The following ARHGAP27 variants were observed in gnomAD, a reference collection of about 807,000 sequenced individuals.
The protein encoded by ARHGAP27 is Rho GTPase activating protein 27, also known as rho GTPase-activating protein 27.
A neutral mutation model predicts 102.0 loss-of-function variants in ARHGAP27; 53 were observed. The ratio of observed to expected loss-of-function variants is 0.52; its 90% CI spans 0.42 to 0.65. The LOEUF (loss-of-function observed/expected upper bound fraction) is 0.65. Among genes scored for constraint, ARHGAP27 ranks in the 30% least tolerant of loss-of-function variants. The probability of loss-of-function intolerance (pLI) is 0.00; values close to 1 mark genes in which losing one functional copy is unlikely to be tolerated. For missense variants in ARHGAP27, 1,117 were observed against 1,256.2 expected, an observed-to-expected ratio of 0.89 and a Z score of 1.68; for synonymous variants, 525 against 542.8, an observed-to-expected ratio of 0.97 and a Z score of 0.46.
At position 45,396,066 on chromosome 17, in the gene ARHGAP27, G is replaced by A. The variant is rs779980705; in HGVS notation, c.2303C>T (p.Thr768Ile). 1.2e-6 allele frequency: 2 copies of A among 1,613,994 alleles called. No homozygotes were observed. Among genetic ancestry groups the A allele is most frequent in the Non-Finnish European group, 1.7e-6 (2 of 1,179,922 alleles). ...CCGAAAGAAGAGCTTCAGGGCTCCG[G>A]TGATAACGTGGACGTCCTCCCAGCG... ...DGRWEDVHVI[T>I]GALKLFFREL... Residue 768 changes from threonine to isoleucine, a missense_variant, in exon 18 of 20, where the codon ACC becomes ATC. Physicochemically the swap from Thr to Ile is moderately conservative, Grantham distance 89. Transcript: ENST00000685559.
chr17:45,402,626 C>T (rs1208265905), intron 12 of ARHGAP27, 88 bp downstream of exon 12: 1 of 1,275,552 alleles, frequency 7.8e-7, no homozygotes, highest in Non-Finnish European at 1.1e-6. Flanking sequence ...GTCAAAAACC[C>T]CCAGGTCATT....
At chr17:45,397,078 C>T (rs2045836680) in intron 13 of ARHGAP27, 54 bp from the exon 14 acceptor site, 2 of 1,590,674 alleles carry the variant, frequency 1.3e-6, no homozygotes, top group East Asian at 4.5e-5. Flanking sequence ...GCGGGTCCTT[C>T]CAGGATGGGG....
At chr17:45,402,656 G>A in intron 12 of ARHGAP27, 58 bp downstream of exon 12, 9 of 1,468,018 alleles carry the variant, frequency 6.1e-6, no homozygotes, top group Middle Eastern at 3.5e-4. Flanking sequence ...ATAGTTGTCA[G>A]AGAGCTGGCA....
intron 4 of ARHGAP27, chr17:45,410,559 C>T (rs780299382): frequency 4.6e-6 from 3 of 646,420 alleles, no homozygotes; most frequent in African/African-American, 1.9e-5. Flanking sequence ...GACCAGTGAG[C>T]CGCATCCGAG....
chr17:45,409,569 C>T (rs1349445823), intron 4 of ARHGAP27: 1 of 152,324 alleles, frequency 6.6e-6, no homozygotes, highest in African/African-American at 2.4e-5. Context: ...AGAGTCTACT[C>T]CCTGTTAGGG....
intron 4 of ARHGAP27, among the ~76,000 whole-genome samples, chr17:45,423,137 C>T (rs1183799751): frequency 3.3e-5 from 5 of 151,998 alleles, no homozygotes; most frequent in East Asian, 1.9e-4. Context: ...GCCGAGACCA[C>T]GCCACTGCAC....
At chr17:45,410,405 C>T (rs760902850) in intron 4 of ARHGAP27, 173 of 1,191,764 alleles carry the variant, frequency 1.5e-4, no homozygotes, top group African/African-American at 1.8e-4. Context: ...GCCGAGATGG[C>T]GGGAGGCTGA....
At position 45,397,137 on chromosome 17, in the gene ARHGAP27, G is replaced by GC. The variant is rs2045846212; in HGVS notation, c.1843-114dup. 5 of 1,498,800 alleles carry GC rather than the reference G, an allele frequency of 3.3e-6. No homozygotes were observed. In the South Asian group the frequency reaches 6.6e-5, roughly 20 times the overall value. 92.8% of individuals were successfully genotyped at this position (1,498,800 alleles called of 1,614,324 possible). A position where few individuals can be genotyped will look rare whatever the true frequency, so the allele number is the denominator to read the frequency against. On this transcript the variant is annotated intron_variant, in intron 13 of 19. Transcript: ENST00000685559. ...AACAGGCATGGCCTGGAGACCCTCA[G>GC]CGAAGAGTCCTCTCTTCCCTTAACC...
intron 4 of ARHGAP27, among the ~76,000 whole-genome samples, chr17:45,420,727 G>A (rs1444452237): frequency 6.6e-6 from 1 of 151,994 alleles, no homozygotes; most frequent in African/African-American, 2.4e-5. Context: ...GGATGAGGCA[G>A]GCGGATCATG....
chr17:45,423,782 A>T (rs977972899), intron 4 of ARHGAP27, among the ~76,000 whole-genome samples: 20 of 152,250 alleles, frequency 1.3e-4, no homozygotes, highest in African/African-American at 4.6e-4. Flanking sequence ...GAAAAAGCAG[A>T]AGGCACAATC....
chr17:45,419,165 G>C (rs2048772405), intron 4 of ARHGAP27, among the ~76,000 whole-genome samples: 1 of 147,648 alleles, frequency 6.8e-6, no homozygotes, highest in Non-Finnish European at 1.5e-5. Context: ...ACAGGTCATG[G>C]GGAAAGACAA....
chr17:45,412,258 C>T (rs1200940020), intron 4 of ARHGAP27, among the ~76,000 whole-genome samples: 1 of 152,174 alleles, frequency 6.6e-6, no homozygotes, highest in Non-Finnish European at 1.5e-5. Context: ...TCCCTCCCCC[C>T]AGTGAGAGGA....
At chr17:45,397,065 G>C (rs753781954) in intron 13 of ARHGAP27, 41 bp from the exon 14 acceptor site, 1 of 1,596,618 alleles carries the variant, frequency 6.3e-7, no homozygotes, top group South Asian at 1.1e-5. Context: ...CCTTGAGCCA[G>C]CTGCGGGTCC....
intron 11 of ARHGAP27, 79 bp from the exon 12 acceptor site, chr17:45,402,897 A>G: frequency 7.9e-7 from 1 of 1,259,630 alleles, no homozygotes; most frequent in Non-Finnish European, 1.1e-6. Context: ...TAGGAATAGG[A>G]TGGGGTCACT....
In ARHGAP27 at chr17:45,415,019, C is replaced by T. The variant is rs1241407177; in HGVS notation, c.658-8936G>A. On this transcript the variant is annotated intron_variant, in intron 4 of 19. Coordinates refer to ENST00000685559, the MANE Select transcript of ARHGAP27 (RefSeq NM_001282290.2). ...CAGAGGTTGCAGTGAGTAGAGATCA[C>T]ACCATTGCTCTCTAGCCTGGGTGAC... Among the ~76,000 whole-genome samples, 6 of 144,624 alleles carry T rather than the reference C, an allele frequency of 4.1e-5. No homozygotes were observed. The East Asian group carries it at 6.1e-4, about 15-fold the overall frequency. 94.9% of individuals were successfully genotyped at this position (144,624 alleles called of 152,430 possible). A position where few individuals can be genotyped will look rare whatever the true frequency, so the allele number is the denominator to read the frequency against.
chr17:45,395,627 G>A lies in ARHGAP27; in HGVS notation c.2499C>T (p.Ile833=). 3.1e-6 allele frequency: 5 copies of A among 1,603,954 alleles called. No homozygotes were observed. The highest frequency in any genetic ancestry group is 4.3e-6 in the Non-Finnish European group (5 of 1,175,550). The change falls in exon 20 of 20, where the codon ATC becomes ATT. Residue 833 remains isoleucine, a synonymous_variant. Transcript: ENST00000685559. ...ACATGCGGTTCTGCTCGCCGTGCTC[G>A]ATCACCCTGTGGCAGGGGTGGGTGG... ...RMLFQHLCRV[I]EHGEQNRMSV...
intron 4 of ARHGAP27, among the ~76,000 whole-genome samples, chr17:45,429,019 A>T (rs1597877810): frequency 6.6e-6 from 1 of 152,334 alleles, no homozygotes; most frequent in East Asian, 1.9e-4. Context: ...AGTTCTTTAA[A>T]AAAAGGAACT....
At position 45,395,085 on chromosome 17, in the gene ARHGAP27, A is replaced by G. The variant is rs2045429865; in HGVS notation, c.*371T>C. 7.1e-6 allele frequency: 2 copies of G among 280,888 alleles called. No homozygotes were observed. Among genetic ancestry groups the G allele is most frequent in the African/African-American group, 4.5e-5 (2 of 44,754 alleles). The allele number at this position is 280,888 out of a possible 1,614,324, so 17.4% of individuals were successfully genotyped here. On this transcript the variant is annotated 3_prime_UTR_variant, in exon 20 of 20. Transcript: ENST00000685559. ...AGGCCTCCACGAGGTGAGGGCCAGAAGCAGCCAGGAAGCCCTCCATCAAAC... is the reference window on the plus strand; with the variant it reads ...AGGCCTCCACGAGGTGAGGGCCAGAGGCAGCCAGGAAGCCCTCCATCAAAC...
chr17:45,403,767 G>A (rs2046767235), intron 10 of ARHGAP27, 58 bp from the exon 11 acceptor site: 4 of 1,438,262 alleles, frequency 2.8e-6, no homozygotes, highest in Non-Finnish European at 9.6e-7. Flanking sequence ...TGGGCTGAGG[G>A]CCCCTCCTAC....
Sources: allele counts gnomAD v4.1 joint callset (sites outside exome capture counted in the v4.1 genomes callset), GRCh38; gene constraint gnomAD v4.1.1; transcripts MANE v1.5; gene names NCBI Gene and HGNC (gene_info 2026-07-23, HGNC 2026-07-21).